The following DGKB variants were observed in gnomAD, a reference collection of about 807,000 sequenced individuals.
DGKB encodes the protein diacylglycerol kinase beta, also known as 90 kDa diacylglycerol kinase.
In DGKB, 67 loss-of-function variants were observed where a neutral mutation model predicts 114.3. That is an observed-to-expected ratio of 0.59 (90% CI 0.48 to 0.72). DGKB has a LOEUF of 0.72. Ranked by LOEUF, DGKB falls within the 30% of genes least tolerant of loss-of-function variation. The pLI, the probability that DGKB is intolerant of heterozygous loss-of-function variation, is 0.00. For synonymous variants in DGKB, 398 were observed against 323.1 expected (o/e 1.23, Z -2.49); for missense variants, 907 against 975.2 (o/e 0.93, Z 0.93).
intron 1 of DGKB, among the ~76,000 whole-genome samples, chr7:14,925,776 G>C (rs533692065): frequency 4.0e-5 from 6 of 151,856 alleles, no homozygotes; most frequent in African/African-American, 1.5e-4. Flanking sequence ...TTCACTTATT[G>C]TTCCAAGGTA....
At chr7:14,676,971 T>A (rs1189752868) in intron 12 of DGKB, among the ~76,000 whole-genome samples, 1 of 151,956 alleles carries the variant, frequency 6.6e-6, no homozygotes, top group Non-Finnish European at 1.5e-5. Context: ...TTCCCATTCA[T>A]GTTAAGGGAT....
intron 21 of DGKB, among the ~76,000 whole-genome samples, chr7:14,421,592 T>C (rs1826703671): frequency 1.3e-5 from 2 of 152,270 alleles, no homozygotes; most frequent in South Asian, 4.1e-4. Context: ...GTTTTGATTT[T>C]AAGAAAAGGA....
intron 20 of DGKB, among the ~76,000 whole-genome samples, chr7:14,495,631 A>C (rs928081681): frequency 6.6e-6 from 1 of 151,772 alleles, no homozygotes; most frequent in Admixed American, 6.6e-5. Flanking sequence ...TTCACATATA[A>C]GGAGTCAGAA....
chr7:14,748,549 A>C (rs1833691312), intron 4 of DGKB, among the ~76,000 whole-genome samples: 1 of 152,148 alleles, frequency 6.6e-6, no homozygotes, highest in Non-Finnish European at 1.5e-5. Flanking sequence ...AGGAGCAGGA[A>C]ATTGGAGCAG....
intron 9 of DGKB, among the ~76,000 whole-genome samples, chr7:14,685,772 G>A (rs1005245526): frequency 3.3e-5 from 5 of 152,234 alleles, no homozygotes; most frequent in African/African-American, 1.2e-4. Context: ...AACCTGCAAA[G>A]ACGTCATTAA....
At chr7:14,189,917 A>G (rs1784057266) in intron 23 of DGKB, among the ~76,000 whole-genome samples, 1 of 152,184 alleles carries the variant, frequency 6.6e-6, no homozygotes, top group Admixed American at 6.5e-5. Flanking sequence ...AGCAACCGTT[A>G]TTAGATCTAA....
At chr7:14,440,368 C>A (rs1829911961) in intron 21 of DGKB, among the ~76,000 whole-genome samples, 1 of 152,068 alleles carries the variant, frequency 6.6e-6, no homozygotes, top group South Asian at 2.1e-4. Flanking sequence ...CTGAGTTGAT[C>A]AGGACCCTCA....
intron 23 of DGKB, among the ~76,000 whole-genome samples, chr7:14,273,890 G>A: frequency 6.6e-6 from 1 of 152,182 alleles, no homozygotes; most frequent in Non-Finnish European, 1.5e-5. Flanking sequence ...ATTTCTCATT[G>A]TACTAACAGA....
At chr7:14,480,688 C>T (rs1326142405) in intron 20 of DGKB, among the ~76,000 whole-genome samples, 1 of 152,108 alleles carries the variant, frequency 6.6e-6, no homozygotes, top group Non-Finnish European at 1.5e-5. Flanking sequence ...CTAGAAGGCA[C>T]AAACTCTGAA....
intron 23 of DGKB, among the ~76,000 whole-genome samples, chr7:14,262,738 G>A (rs147523792): frequency 1.1e-3 from 162 of 152,236 alleles, no homozygotes; most frequent in African/African-American, 3.8e-3. Context: ...GGGAGTGCAT[G>A]TGGAATGATA....
intron 23 of DGKB, among the ~76,000 whole-genome samples, chr7:14,253,643 G>A (rs773161622): frequency 6.6e-6 from 1 of 152,074 alleles, no homozygotes; most frequent in Non-Finnish European, 1.5e-5. Flanking sequence ...TGAATACTGC[G>A]ATGTAAATGA....
At chr7:14,772,667 C>A (rs569826016) in intron 2 of DGKB, among the ~76,000 whole-genome samples, 2 of 152,260 alleles carry the variant, frequency 1.3e-5, no homozygotes, top group Admixed American at 1.3e-4. Context: ...GTTACACTGA[C>A]ACCAAGAAAG....
At chr7:14,258,663 A>G (rs1337001738) in intron 23 of DGKB, among the ~76,000 whole-genome samples, 1 of 152,208 alleles carries the variant, frequency 6.6e-6, no homozygotes, top group Non-Finnish European at 1.5e-5. Context: ...AATGGCAACA[A>G]GTGTTATGGA....
At chr7:14,789,064 T>A (rs888871174) in intron 2 of DGKB, among the ~76,000 whole-genome samples, 2 of 151,246 alleles carry the variant, frequency 1.3e-5, no homozygotes, top group African/African-American at 4.9e-5. Context: ...AGCTGCAGCT[T>A]ACCACTGGAG....
intron 17 of DGKB, among the ~76,000 whole-genome samples, chr7:14,601,665 T>C (rs1210546258): frequency 2.6e-5 from 4 of 152,172 alleles, no homozygotes; most frequent in Non-Finnish European, 5.9e-5. Flanking sequence ...AGATTTCTTT[T>C]ACCAAGTATC....
chr7:14,880,450 T>C (rs911762201), intron 1 of DGKB, among the ~76,000 whole-genome samples: 2 of 152,116 alleles, frequency 1.3e-5, no homozygotes, highest in African/African-American at 4.8e-5. Flanking sequence ...AGAGTGAGAC[T>C]CCATCTCAAA....
chr7:14,386,697 A>G (rs1820396874), intron 21 of DGKB, among the ~76,000 whole-genome samples: 1 of 152,046 alleles, frequency 6.6e-6, no homozygotes, highest in South Asian at 2.1e-4. Context: ...CCTCTGATGA[A>G]CTCTAGCAAA....
chr7:14,477,591 A>G (rs1366902721), intron 21 of DGKB, among the ~76,000 whole-genome samples: 2 of 152,194 alleles, frequency 1.3e-5, no homozygotes, highest in African/African-American at 4.8e-5. Context: ...GTGAAGGTCA[A>G]TGTCTACATT....
chr7:14,676,369 A>G (rs1819856351), intron 12 of DGKB, among the ~76,000 whole-genome samples: 1 of 152,112 alleles, frequency 6.6e-6, no homozygotes, highest in South Asian at 2.1e-4. Context: ...ATAGCACAAC[A>G]GGGTGACTAC....
Sources: gnomAD v4.1 joint callset for allele counts (sites outside exome capture counted in the v4.1 genomes callset) on GRCh38, gnomAD v4.1.1 for gene constraint, MANE v1.5 for transcripts, NCBI Gene and HGNC (gene_info 2026-07-23, HGNC 2026-07-21) for gene names.